SRD5A2: variants seen among roughly 807,000 people sequenced by gnomAD.
SRD5A2 encodes steroid 5 alpha-reductase 2.
A neutral mutation model predicts 27.4 loss-of-function variants in SRD5A2; 30 were observed. That is an observed-to-expected ratio of 1.10 (90% CI 0.82 to 1.49). The LOEUF (loss-of-function observed/expected upper bound fraction) is 1.49, where lower values mean the gene tolerates loss of function less well. Among genes scored for constraint, SRD5A2 ranks in the 40% most tolerant of loss-of-function variants. The probability of loss-of-function intolerance (pLI) is 0.00; values close to 1 mark genes in which losing one functional copy is unlikely to be tolerated. For missense variants in SRD5A2, 348 were observed against 323.4 expected, an observed-to-expected ratio of 1.08 and a Z score of -0.58; for synonymous variants, 141 against 133.6, an observed-to-expected ratio of 1.06 and a Z score of -0.38.
At chr2:31,608,278 G>A in the SRD5A2 span, among the ~76,000 whole-genome samples, 13 of 151,928 alleles carry the variant, frequency 8.6e-5, no homozygotes, top group Non-Finnish European at 1.8e-4. Context: ...ATGTGCAGTA[G>A]TGCATTGTAA....
At chr2:31,543,709 T>C (rs1572637498) in intron 1 of SRD5A2, among the ~76,000 whole-genome samples, 1 of 152,258 alleles carries the variant, frequency 6.6e-6, no homozygotes, top group Non-Finnish European at 1.5e-5. Flanking sequence ...GTTATAAATT[T>C]AGGATGTTAA....
Position 31,524,799 on chromosome 2 carries a change from A to G in SRD5A2, c.*1397T>C, listed in dbSNP as rs1349045995. ...CGCAAACATAGGCCTGAGAAGACAAATATTTCCATGTATTCCAATTACAAG... is the reference window on the plus strand; with the variant it reads ...CGCAAACATAGGCCTGAGAAGACAAGTATTTCCATGTATTCCAATTACAAG... On this transcript the variant is annotated 3_prime_UTR_variant, in exon 5 of 5. Coordinates refer to ENST00000622030, the MANE Select transcript of SRD5A2 (RefSeq NM_000348.4). 4.4e-6 allele frequency: 1 copy of G among 227,802 alleles called. No individual in the cohort carries two copies. The highest frequency in any genetic ancestry group is 8.7e-6 in the Non-Finnish European group (1 of 114,662). The allele number at this position is 227,802 out of a possible 1,614,324, so 14.1% of individuals were successfully genotyped here.
intron 2 of SRD5A2, among the ~76,000 whole-genome samples, chr2:31,531,763 G>C (rs1338206313): frequency 1.3e-5 from 2 of 152,182 alleles, no homozygotes; most frequent in Non-Finnish European, 2.9e-5. Context: ...TATTTAAATA[G>C]ATAAACAAAC....
chr2:31,540,922 C>T (rs189656455), intron 1 of SRD5A2, among the ~76,000 whole-genome samples: 1 of 152,312 alleles, frequency 6.6e-6, no homozygotes, highest in East Asian at 1.9e-4. Flanking sequence ...CAGAGAGGTA[C>T]AGACAAAGAG....
the SRD5A2 span, among the ~76,000 whole-genome samples, chr2:31,627,716 T>C: frequency 6.6e-6 from 1 of 152,176 alleles, no homozygotes; most frequent in Non-Finnish European, 1.5e-5. Flanking sequence ...TGCCTTAATT[T>C]CATTATTTAC....
the SRD5A2 span, among the ~76,000 whole-genome samples, chr2:31,613,216 A>C: frequency 4.6e-5 from 7 of 152,156 alleles, no homozygotes; most frequent in South Asian, 2.1e-4. Context: ...AAACAACAGA[A>C]TAAAGAGACA....
chr2:31,617,815 T>C, the SRD5A2 span, among the ~76,000 whole-genome samples: 2 of 152,228 alleles, frequency 1.3e-5, no homozygotes, highest in African/African-American at 2.4e-5. Context: ...GTCAAAAACA[T>C]TCAACAAGTC....
At chr2:31,540,726 T>G (rs1337811921) in intron 1 of SRD5A2, among the ~76,000 whole-genome samples, 1 of 152,220 alleles carries the variant, frequency 6.6e-6, no homozygotes, top group Admixed American at 6.5e-5. Context: ...TTCAGCTCAG[T>G]CAATTTTAGC....
chr2:31,591,573 A>C, the SRD5A2 span, among the ~76,000 whole-genome samples: 3 of 151,920 alleles, frequency 2.0e-5, no homozygotes, highest in African/African-American at 4.8e-5. Context: ...TTGACCCAGC[A>C]ATCCCATTAC....
the SRD5A2 span, among the ~76,000 whole-genome samples, chr2:31,595,719 C>T: frequency 2.0e-5 from 3 of 152,068 alleles, no homozygotes; most frequent in East Asian, 5.8e-4. Flanking sequence ...CCAGTATTAC[C>T]CTATCACCAA....
intron 3 of SRD5A2, among the ~76,000 whole-genome samples, chr2:31,529,843 C>T (rs1448875144): frequency 1.3e-5 from 2 of 152,148 alleles, no homozygotes; most frequent in African/African-American, 2.4e-5. Context: ...GACACACACA[C>T]GTTCACATTC....
chr2:31,645,360 A>G, the SRD5A2 span, among the ~76,000 whole-genome samples: 1 of 152,202 alleles, frequency 6.6e-6, no homozygotes, highest in Non-Finnish European at 1.5e-5. Flanking sequence ...ATTCTCCATG[A>G]TGTGCTTATT....
At chr2:31,575,613 C>T (rs1666943851) in intron 1 of SRD5A2, among the ~76,000 whole-genome samples, 1 of 152,152 alleles carries the variant, frequency 6.6e-6, no homozygotes, top group Admixed American at 6.5e-5. Flanking sequence ...GCAAAAAGCA[C>T]CTTATTGAAG....
At chr2:31,542,892 T>C (rs1558361327) in intron 1 of SRD5A2, among the ~76,000 whole-genome samples, 1 of 151,870 alleles carries the variant, frequency 6.6e-6, no homozygotes, top group Admixed American at 6.6e-5. Flanking sequence ...GAAGAAATAA[T>C]GGTGAAAAAT....
chr2:31,593,200 T>G, the SRD5A2 span, among the ~76,000 whole-genome samples: 5 of 152,090 alleles, frequency 3.3e-5, no homozygotes, highest in African/African-American at 1.2e-4. Flanking sequence ...GCATGGCACA[T>G]GTATACATAT....
chr2:31,579,440 G>A (rs915070641), intron 1 of SRD5A2, among the ~76,000 whole-genome samples: 1 of 152,102 alleles, frequency 6.6e-6, no homozygotes, highest in African/African-American at 2.4e-5. Flanking sequence ...CTCAAAATAA[G>A]GCAAAACCTT....
chr2:31,562,654 T>C (rs1432167291), intron 1 of SRD5A2, among the ~76,000 whole-genome samples: 1 of 152,062 alleles, frequency 6.6e-6, no homozygotes, highest in Non-Finnish European at 1.5e-5. Flanking sequence ...ATGGGAACAA[T>C]ACACACCAGG....
chr2:31,606,167 G>A, the SRD5A2 span, among the ~76,000 whole-genome samples: 998 of 151,872 alleles, frequency 6.6e-3, 15 homozygotes, highest in African/African-American at 0.023. Context: ...AGTGGGTGGT[G>A]GAAAGGAGAT....
intron 1 of SRD5A2, among the ~76,000 whole-genome samples, chr2:31,555,677 TGA>T (rs2148083361): frequency 6.6e-6 from 1 of 152,326 alleles, no homozygotes; most frequent in East Asian, 1.9e-4. Flanking sequence ...TTTCCAGTTA[TGA>T]GAGTTAATAA....
Sources: gnomAD v4.1 joint callset for allele counts (sites outside exome capture counted in the v4.1 genomes callset) on GRCh38, gnomAD v4.1.1 for gene constraint, MANE v1.5 for transcripts, NCBI Gene and HGNC (gene_info 2026-07-23, HGNC 2026-07-21) for gene names.